Variants in TEX11 observed in about 807,000 individuals in gnomAD.
The protein encoded by TEX11 is testis-expressed protein 11.
In TEX11, 7 loss-of-function variants were observed where a neutral mutation model predicts 84.4. The ratio of observed to expected loss-of-function variants is 0.08; its 90% CI spans 0.05 to 0.16. TEX11 has a LOEUF of 0.16. Among genes scored for constraint, TEX11 ranks in the 10% least tolerant of loss-of-function variants. The pLI, the probability that TEX11 is intolerant of heterozygous loss-of-function variation, is 1.00. For synonymous variants in TEX11, 264 were observed against 222.8 expected, an observed-to-expected ratio of 1.18 and a Z score of -1.64; for missense variants, 551 against 660.5, an observed-to-expected ratio of 0.83 and a Z score of 1.82.
intron 8 of TEX11, among the ~76,000 whole-genome samples, chrX:70,819,233 C>T (rs1414852288): frequency 9.0e-6 from 1 of 111,601 alleles, no homozygotes; most frequent in Non-Finnish European, 1.9e-5. Flanking sequence ...TTAAAAGGAT[C>T]ATACACCACA....
At chrX:70,641,130 C>A (rs1209046476) in intron 17 of TEX11, among the ~76,000 whole-genome samples, 1 of 111,072 alleles carries the variant, frequency 9.0e-6, no homozygotes, top group African/African-American at 3.3e-5. Context: ...ATTCTCTGAT[C>A]AAACAGACTT....
At chrX:70,641,900 G>A (rs1405633082) in intron 17 of TEX11, among the ~76,000 whole-genome samples, 1 of 111,086 alleles carries the variant, frequency 9.0e-6, no homozygotes, top group Admixed American at 9.6e-5. Flanking sequence ...CTAACAGAAG[G>A]CAAGAAATAA....
intron 15 of TEX11, among the ~76,000 whole-genome samples, chrX:70,671,267 T>C (rs902311875): frequency 4.5e-4 from 50 of 111,571 alleles, no homozygotes; most frequent in African/African-American, 1.6e-3. Flanking sequence ...AGACTGCTTA[T>C]AAACCAAGGT....
chrX:70,568,228 C>T (rs1433654521), intron 25 of TEX11, among the ~76,000 whole-genome samples: 2 of 111,012 alleles, frequency 1.8e-5, no homozygotes, highest in Non-Finnish European at 3.8e-5. Context: ...GGATCGCAAC[C>T]CCTGCCTTTG....
At chrX:70,750,539 A>T (rs1309532491) in intron 9 of TEX11, among the ~76,000 whole-genome samples, 1 of 109,868 alleles carries the variant, frequency 9.1e-6, no homozygotes, top group Non-Finnish European at 1.9e-5. Flanking sequence ...CAACAATGAT[A>T]GACTGGTTTA....
chrX:70,769,348 A>G (rs2090958796), intron 9 of TEX11, among the ~76,000 whole-genome samples: 1 of 111,501 alleles, frequency 9.0e-6, no homozygotes, highest in Non-Finnish European at 1.9e-5. Flanking sequence ...AAGAAGAGAG[A>G]AGGCTCAAAT....
intron 9 of TEX11, among the ~76,000 whole-genome samples, chrX:70,781,893 T>G (rs982718644): frequency 9.0e-6 from 1 of 111,610 alleles, no homozygotes; most frequent in Non-Finnish European, 1.9e-5. Context: ...ATAACACTCT[T>G]CAGGATATTA....
At chrX:70,732,696 G>T in intron 11 of TEX11, among the ~76,000 whole-genome samples, 1 of 111,099 alleles carries the variant, frequency 9.0e-6, no homozygotes, top group East Asian at 2.8e-4. Context: ...TGGGTAGGAA[G>T]AATCAATATC....
intron 7 of TEX11, among the ~76,000 whole-genome samples, chrX:70,849,688 C>T (rs2091497100): frequency 8.9e-6 from 1 of 111,892 alleles, no homozygotes; most frequent in Non-Finnish European, 1.9e-5. Flanking sequence ...GTGCGAATGT[C>T]TTAGAAATGA....
At chrX:70,662,940 G>A (rs915195162) in intron 16 of TEX11, among the ~76,000 whole-genome samples, 3 of 109,930 alleles carry the variant, frequency 2.7e-5, no homozygotes, top group African/African-American at 9.9e-5. Context: ...GTAAATTTGG[G>A]GTATAAAGTT....
At chrX:70,721,903 T>G (rs2090562389) in intron 13 of TEX11, among the ~76,000 whole-genome samples, 1 of 111,546 alleles carries the variant, frequency 9.0e-6, no homozygotes, top group African/African-American at 3.3e-5. Flanking sequence ...CTGGGAGGAA[T>G]AGTTAATACA....
chrX:70,687,679 G>A (rs192866903), intron 13 of TEX11, among the ~76,000 whole-genome samples: 4 of 111,270 alleles, frequency 3.6e-5, no homozygotes, highest in African/African-American at 9.8e-5. Context: ...GAAAGAATAA[G>A]TGAATTTGAA....
chrX:70,649,379 G>A (rs1603193727), intron 17 of TEX11, among the ~76,000 whole-genome samples: 1 of 111,683 alleles, frequency 9.0e-6, no homozygotes, highest in East Asian at 2.8e-4. Context: ...ACCAGCATCT[G>A]TTGTTTCTTG....
At chrX:70,773,946 A>G (rs1483317590) in intron 9 of TEX11, among the ~76,000 whole-genome samples, 1 of 110,259 alleles carries the variant, frequency 9.1e-6, no homozygotes, top group Non-Finnish European at 1.9e-5. Context: ...GAGACCCCAA[A>G]TGGACCACAT....
intron 4 of TEX11, among the ~76,000 whole-genome samples, chrX:70,866,140 G>A (rs746801997): frequency 9.9e-5 from 11 of 111,119 alleles, no homozygotes; most frequent in African/African-American, 1.6e-4. Context: ...TAGATACACC[G>A]CTAACCAGAT....
At chrX:70,538,057 C>A (rs994062657) in intron 28 of TEX11, among the ~76,000 whole-genome samples, 2 of 111,281 alleles carry the variant, frequency 1.8e-5, no homozygotes, top group Non-Finnish European at 3.8e-5. Context: ...AAAGATGAGA[C>A]CTCCATAAAA....
At chrX:70,772,951 A>G (rs1231524457) in intron 9 of TEX11, among the ~76,000 whole-genome samples, 1 of 110,615 alleles carries the variant, frequency 9.0e-6, no homozygotes, top group Non-Finnish European at 1.9e-5. Context: ...GAGGGACAAA[A>G]AAAGAATGAA....
intron 2 of TEX11, among the ~76,000 whole-genome samples, chrX:70,881,983 C>T (rs1487254526): frequency 2.1e-5 from 2 of 96,546 alleles, no homozygotes; most frequent in Non-Finnish European, 4.1e-5. Context: ...GAGCTGAGAT[C>T]GGCCACTGCA....
intron 25 of TEX11, among the ~76,000 whole-genome samples, chrX:70,559,526 A>G (rs182508054): frequency 5.0e-4 from 56 of 112,377 alleles, no homozygotes; most frequent in African/African-American, 1.8e-3. Flanking sequence ...AAGTGTATTG[A>G]ATTGTACACT....
Sources: gnomAD v4.1 joint callset for allele counts (sites outside exome capture counted in the v4.1 genomes callset) on GRCh38, gnomAD v4.1.1 for gene constraint, MANE v1.5 for transcripts, NCBI Gene and HGNC (gene_info 2026-07-23, HGNC 2026-07-21) for gene names.